The following MAGI2 variants were observed in gnomAD, a reference collection of about 807,000 sequenced individuals.
MAGI2 encodes membrane-associated guanylate kinase, WW and PDZ domain-containing protein 2.
A neutral mutation model predicts 133.3 loss-of-function variants in MAGI2; 35 were observed. That is an observed-to-expected ratio of 0.26 (90% CI 0.20 to 0.35). The LOEUF (loss-of-function observed/expected upper bound fraction) is 0.35, where lower values mean the gene tolerates loss of function less well. MAGI2 is among the 10% of genes least tolerant of loss of function. The probability of loss-of-function intolerance (pLI) is 1.00; values close to 1 mark genes in which losing one functional copy is unlikely to be tolerated. For synonymous variants in MAGI2, 729 were observed against 710.6 expected, an observed-to-expected ratio of 1.03 and a Z score of -0.41; for missense variants, 1,636 against 1,863.4, an observed-to-expected ratio of 0.88 and a Z score of 2.25.
Position 79,197,734 on chromosome 7 carries a change from T to G in MAGI2, c.302-190528A>C, listed in dbSNP as rs1828211370. On this transcript the variant is annotated intron_variant, in intron 1 of 21. Transcript: ENST00000354212. ...GCTGGGAAGTCCAAGGTGAAGGCTGTACCGACTCCATGTCTGGTAAGGACT... is the reference window on the plus strand; with the variant it reads ...GCTGGGAAGTCCAAGGTGAAGGCTGGACCGACTCCATGTCTGGTAAGGACT... Among the ~76,000 whole-genome samples, 3 of 151,988 alleles carry G rather than the reference T, an allele frequency of 2.0e-5. No homozygotes were observed. In the South Asian group the frequency reaches 6.2e-4, roughly 31 times the overall value.
At chr7:78,388,314 C>T (rs1485851510) in intron 6 of MAGI2, among the ~76,000 whole-genome samples, 2 of 151,848 alleles carry the variant, frequency 1.3e-5, no homozygotes, top group African/African-American at 2.4e-5. Context: ...TCATCATCAT[C>T]GGTAGTGGTA....
chr7:78,735,635 T>A (rs1229735249), intron 2 of MAGI2, among the ~76,000 whole-genome samples: 1 of 152,204 alleles, frequency 6.6e-6, no homozygotes, highest in Non-Finnish European at 1.5e-5. Flanking sequence ...ATATTGTCAC[T>A]GATGAGTGCC....
intron 2 of MAGI2, among the ~76,000 whole-genome samples, chr7:78,738,274 G>C (rs900314471): frequency 3.3e-5 from 5 of 152,134 alleles, no homozygotes; most frequent in Non-Finnish European, 7.4e-5. Context: ...CATGCTTTAA[G>C]AATCTGTTCA....
chr7:78,386,488 G>A (rs1795399405), intron 6 of MAGI2, among the ~76,000 whole-genome samples: 1 of 152,130 alleles, frequency 6.6e-6, no homozygotes, highest in South Asian at 2.1e-4. Context: ...AATTCTTGGA[G>A]AGCACTTCAC....
chr7:78,929,144 T>C lies in MAGI2; in HGVS notation c.418+77946A>G, dbSNP rs1165298408. Among the ~76,000 whole-genome samples, 5 of 152,106 alleles carry C rather than the reference T, an allele frequency of 3.3e-5. No homozygotes were observed. In the East Asian group the frequency reaches 7.7e-4, roughly 24 times the overall value. ...TGTTAAATATAATGATGATAGATAA[T>C]TGACACTGAGCAGTTTATCTTATAA... is the stretch of plus-strand genomic sequence containing the variant. On this transcript the variant is annotated intron_variant, in intron 2 of 21. Transcript: ENST00000354212.
intron 2 of MAGI2, among the ~76,000 whole-genome samples, chr7:78,997,977 A>G (rs1584622707): frequency 6.6e-6 from 1 of 152,334 alleles, no homozygotes; most frequent in East Asian, 1.9e-4. Flanking sequence ...CTTCTAAAGG[A>G]GGAGAGCAAT....
intron 5 of MAGI2, among the ~76,000 whole-genome samples, chr7:78,499,878 G>T (rs1794464678): frequency 1.3e-5 from 2 of 152,096 alleles, no homozygotes; most frequent in African/African-American, 4.8e-5. Flanking sequence ...CCGCAATGAT[G>T]TCATGCTGTC....
chr7:78,559,171 A>AAAAAGAAAAG (rs56343412), intron 3 of MAGI2, among the ~76,000 whole-genome samples: 1 of 107,556 alleles, frequency 9.3e-6, no homozygotes, highest in Non-Finnish European at 1.7e-5. Flanking sequence ...AAAAAAAGCC[A>AAAAAGAAAAG]AAAAGAAAAG....
chr7:78,804,521 G>A (rs1427604421), intron 2 of MAGI2, among the ~76,000 whole-genome samples: 1 of 151,500 alleles, frequency 6.6e-6, no homozygotes, highest in Non-Finnish European at 1.5e-5. Context: ...GGCCGAGGCA[G>A]GCGGATCATG....
At chr7:78,661,043 T>G (rs1044506220) in intron 2 of MAGI2, among the ~76,000 whole-genome samples, 1 of 152,166 alleles carries the variant, frequency 6.6e-6, no homozygotes, top group Non-Finnish European at 1.5e-5. Flanking sequence ...TTTCTACTTC[T>G]TGGTATCACT....
intron 1 of MAGI2, among the ~76,000 whole-genome samples, chr7:79,323,420 T>C (rs954870371): frequency 4.6e-5 from 7 of 152,126 alleles, no homozygotes; most frequent in African/African-American, 1.7e-4. Context: ...CCTAGAAGTA[T>C]GGAGCAGTTT....
intron 6 of MAGI2, among the ~76,000 whole-genome samples, chr7:78,415,665 C>T (rs144231529): frequency 2.0e-3 from 306 of 152,166 alleles, no homozygotes; most frequent in African/African-American, 7.0e-3. Context: ...CACCAGGCAC[C>T]ATTCAGAAGA....
At chr7:78,492,767 A>G (rs567047685) in intron 5 of MAGI2, among the ~76,000 whole-genome samples, 1 of 152,330 alleles carries the variant, frequency 6.6e-6, no homozygotes, top group East Asian at 1.9e-4. Flanking sequence ...ATACCAGGAA[A>G]AGAAAATGCC....
At chr7:79,337,378 C>T (rs1212116256) in intron 1 of MAGI2, among the ~76,000 whole-genome samples, 1 of 152,180 alleles carries the variant, frequency 6.6e-6, no homozygotes, top group African/African-American at 2.4e-5. Context: ...TGCATTGGCC[C>T]TGCCAGGCAC....
chr7:78,710,977 A>T (rs921575649), intron 2 of MAGI2, among the ~76,000 whole-genome samples: 14 of 152,168 alleles, frequency 9.2e-5, no homozygotes, highest in African/African-American at 2.9e-4. Flanking sequence ...CTCTGAGTAT[A>T]TAATTAATCT....
At chr7:78,196,390 A>G (rs1965529) in intron 11 of MAGI2, among the ~76,000 whole-genome samples, 34,574 of 152,074 alleles carry the variant, frequency 0.23, 4,212 homozygotes, top group East Asian at 0.38. Flanking sequence ...CATAGTTAGT[A>G]CTCAGAAAAA....
intron 2 of MAGI2, among the ~76,000 whole-genome samples, chr7:78,675,870 G>A (rs1585052277): frequency 6.6e-6 from 1 of 152,112 alleles, no homozygotes; most frequent in Non-Finnish European, 1.5e-5. Context: ...ATTGTAGGAT[G>A]TGTCCAAAAC....
intron 2 of MAGI2, among the ~76,000 whole-genome samples, chr7:78,627,828 T>C (rs887004007): frequency 2.6e-5 from 4 of 152,202 alleles, no homozygotes; most frequent in Non-Finnish European, 4.4e-5. Context: ...TGTGTAATAA[T>C]TAAATTGCAG....
intron 2 of MAGI2, among the ~76,000 whole-genome samples, chr7:78,780,296 C>G (rs1256007588): frequency 6.6e-6 from 1 of 152,202 alleles, no homozygotes; most frequent in Non-Finnish European, 1.5e-5. Flanking sequence ...ATGTCTCTTT[C>G]AAGACAGTGC....
Sources: gnomAD v4.1 joint callset for allele counts (sites outside exome capture counted in the v4.1 genomes callset) on GRCh38, gnomAD v4.1.1 for gene constraint, MANE v1.5 for transcripts, NCBI Gene and HGNC (gene_info 2026-07-23, HGNC 2026-07-21) for gene names.